The following COQ6 variants were observed in gnomAD, a reference collection of about 807,000 sequenced individuals.
COQ6 encodes the protein ubiquinone biosynthesis monooxygenase COQ6, mitochondrial.
COQ6 carries 45 observed loss-of-function variants against 55.5 expected under a neutral mutation model. The observed-to-expected ratio is 0.81, with a 90% confidence interval of 0.64 to 1.04. The LOEUF is 1.04. Ranked by LOEUF, COQ6 falls within the 50% of genes least tolerant of loss-of-function variation. The pLI is 0.00. For missense variants in COQ6, 550 were observed against 601.3 expected (o/e 0.91, Z 0.89); for synonymous variants, 206 against 230.5 (o/e 0.89, Z 0.96).
chr14:73,955,290 T>C, intron 2 of COQ6, 161 bp from the exon 3 acceptor site: 1 of 703,926 alleles, frequency 1.4e-6, no homozygotes, highest in South Asian at 1.6e-5. Flanking sequence ...AACCTGGAAC[T>C]GGGGAACAGA....
chr14:73,950,768 C>A (rs2056160142), intron 1 of COQ6, among the ~76,000 whole-genome samples: 1 of 152,318 alleles, frequency 6.6e-6, no homozygotes, highest in East Asian at 1.9e-4. Flanking sequence ...GTTCCAGTTT[C>A]TCCAGATCCT....
chr14:73,950,530 C>G (rs1566679829), intron 1 of COQ6, 35 bp downstream of exon 1: 1 of 1,574,424 alleles, frequency 6.4e-7, no homozygotes, highest in Non-Finnish European at 8.6e-7. Flanking sequence ...TGGCCGGAAA[C>G]CGGGCCGCGG....
intron 11 of COQ6, chr14:73,962,709 T>C (rs980507399): frequency 2.9e-5 from 10 of 342,434 alleles, no homozygotes; most frequent in African/African-American, 1.9e-4. Context: ...CAGCACTTTA[T>C]AGGAGGCTGG....
chr14:73,959,914 G>A, intron 8 of COQ6: 1 of 1,181,486 alleles, frequency 8.5e-7, no homozygotes, highest in Non-Finnish European at 1.1e-6. Flanking sequence ...CCAGTCAGCT[G>A]TCCCTTTCTA....
In COQ6 at chr14:73,958,147, A is replaced by T; in HGVS notation, c.482A>T (p.Asp161Val). Residue 161 changes from aspartate (D) to valine (V), a missense_variant and splice_region_variant, in exon 5 of 12, where the codon GAC becomes GTC. Physicochemically the swap from Asp to Val is radical, Grantham distance 152. Coordinates refer to ENST00000334571, the MANE Select transcript of COQ6 (RefSeq NM_182476.3). ...TTTTCCTCTCTTTTGACCTCCCCAG[A>T]CCGAGTGACGGTTCTCTACAGGAGC... The part of the protein sequence containing the change: ...ALTKQLEAVS[D>V]RVTVLYRSKA... The T allele has an allele frequency of 6.2e-7, 1 of 1,613,770 alleles. No individual in the cohort carries two copies.
chr14:73,953,607 T>G, intron 2 of COQ6, 38 bp downstream of exon 2: 1 of 1,613,598 alleles, frequency 6.2e-7, no homozygotes, highest in Non-Finnish European at 8.5e-7. Context: ...CCAATCTCCT[T>G]TCCCACTTAG....
chr14:73,956,618 G>A (rs1466369755), intron 4 of COQ6: 2 of 151,304 alleles, frequency 1.3e-5, no homozygotes, highest in South Asian at 2.1e-4. Flanking sequence ...TAATGATGCT[G>A]AGTATCTTTT....
chr14:73,952,565 G>A (rs1463795670), intron 1 of COQ6, among the ~76,000 whole-genome samples: 1 of 151,874 alleles, frequency 6.6e-6, no homozygotes. Flanking sequence ...TAGAGACAGG[G>A]TCTCGCCATG....
chr14:73,951,880 A>G (rs2140360653), intron 1 of COQ6, among the ~76,000 whole-genome samples: 1 of 146,740 alleles, frequency 6.8e-6, no homozygotes, highest in East Asian at 2.1e-4. Flanking sequence ...TGGGAGGCTG[A>G]GGCAGGAGAA....
At chr14:73,960,629 T>C (rs2056672701) in intron 8 of COQ6, 1 of 1,044,208 alleles carries the variant, frequency 9.6e-7, no homozygotes, top group Non-Finnish European at 1.2e-6. Context: ...TAGCAGGCTC[T>C]GGAGATACTG....
chr14:73,959,338 T>C (rs2056596482), intron 7 of COQ6, 77 bp from the exon 8 acceptor site: 1 of 1,614,148 alleles, frequency 6.2e-7, no homozygotes, highest in African/African-American at 1.3e-5. Context: ...GTAAGTTCCC[T>C]TTTTGTCTTT....
At position 73,950,435 on chromosome 14, in the gene COQ6, G is replaced by T; in HGVS notation, c.103G>T (p.Val35Leu). ...RRWSGASTDT[V>L]YDVVVSGGGL... is the part of the protein sequence containing the mutation. ...GTGGTCCGGCGCCTCAACAGACACC[G>T]TGTATGACGTGGTGGTGTCGGGTGG... The change falls in exon 1 of 12, where the codon GTG (valine) becomes TTG (leucine). Residue 35 changes from valine to leucine, a missense_variant. Val to Leu is a conservative substitution (Grantham distance 32, BLOSUM62 1). Coordinates refer to ENST00000334571, the MANE Select transcript of COQ6 (RefSeq NM_182476.3). 6.2e-7 allele frequency: 1 copy of T among 1,608,242 alleles called. No individual in the cohort carries two copies. The highest frequency in any genetic ancestry group is 8.5e-7 in the Non-Finnish European group (1 of 1,177,658).
At chr14:73,960,258 A>G in intron 8 of COQ6, 1 of 986,646 alleles carries the variant, frequency 1.0e-6, no homozygotes. Flanking sequence ...AGTATCACTA[A>G]CTGCTCAGGA....
intron 3 of COQ6, 31 bp downstream of exon 3, chr14:73,955,540 A>G (rs1316571476): frequency 1.9e-6 from 3 of 1,601,718 alleles, no homozygotes; most frequent in Non-Finnish European, 2.6e-6. Context: ...TTTTGTCAAG[A>G]TGTCTTGGTC....
chr14:73,953,431 T>C lies in COQ6; in HGVS notation c.164-4T>C, dbSNP rs567714443. The C allele has an allele frequency of 1.2e-6, 2 of 1,612,406 alleles. No homozygotes were observed. Among genetic ancestry groups the C allele is most frequent in the Admixed American group, 3.3e-5 (2 of 59,902 alleles). The stretch of plus-strand genomic sequence containing the variant: ...TAAGATGATATAAATTTTCTTTTTT[T>C]AAGGATATGATATTCACTTTCATGA... On this transcript the variant is annotated splice_polypyrimidine_tract_variant and splice_region_variant and intron_variant, in intron 1 of 11. Coordinates refer to ENST00000334571, the MANE Select transcript of COQ6 (RefSeq NM_182476.3).
At position 73,963,207 on chromosome 14, in the gene COQ6, A is replaced by G; in HGVS notation, c.*208A>G. 1.7e-6 allele frequency: 1 copy of G among 600,216 alleles called. No individual in the cohort carries two copies. 37.2% of individuals were successfully genotyped at this position (600,216 alleles called of 1,614,324 possible). A position where few individuals can be genotyped will look rare whatever the true frequency, so the allele number is the denominator to read the frequency against. ...CGTATATTAGCCAGACCAAAGGAAA[A>G]AACTTCGAAGGAAGACTTACAATTT... On this transcript the variant is annotated 3_prime_UTR_variant, in exon 12 of 12. Transcript: ENST00000334571.
intron 7 of COQ6, 28 bp downstream of exon 7, chr14:73,959,252 C>A: frequency 6.2e-7 from 1 of 1,614,222 alleles, no homozygotes; most frequent in Non-Finnish European, 8.5e-7. Context: ...CCAGTCCGCC[C>A]ACATGCATGC....
chr14:73,959,202 C>G lies in COQ6; in HGVS notation c.761C>G (p.Ser254Cys). The change falls in exon 7 of 12, where the codon TCT (serine) becomes TGT (cysteine). Residue 254 changes from serine (S) to cysteine (C), a missense_variant. Transcript: ENST00000334571. ...GTAGCCTGGCAGAGATTTCTTCCCT[C>G]TGGGCCTATTGCTCTGCTCCCGGTA... ...NNVAWQRFLPSGPIALLPLSD... is the reference protein window; with the variant it reads ...NNVAWQRFLPCGPIALLPLSD... 4 of 1,614,246 alleles carry G rather than the reference C, an allele frequency of 2.5e-6. No homozygotes were observed.
rs2056721032 is a variant in COQ6 at position 73,961,336 on chromosome 14, A to G, written c.1055A>G (p.His352Arg). The G allele has an allele frequency of 6.2e-7, 1 of 1,614,090 alleles. No individual in the cohort carries two copies. Among genetic ancestry groups the G allele is most frequent in the Non-Finnish European group, 8.5e-7 (1 of 1,180,044 alleles). ...SRVLFPLGLG[H>R]AAEYVRPRVA... is the part of the protein sequence containing the mutation. The stretch of plus-strand genomic sequence containing the variant: ...GTTCTGTTTCCTCTTGGGTTGGGAC[A>G]TGCTGCTGAGTACGTCAGGCCTCGG... Residue 352 changes from histidine (H) to arginine (R), a missense_variant, in exon 9 of 12, where the codon CAT becomes CGT. Physicochemically the swap from His to Arg is conservative, Grantham distance 29. Coordinates refer to ENST00000334571, the MANE Select transcript of COQ6 (RefSeq NM_182476.3).
Sources: gnomAD v4.1 joint callset for allele counts (sites outside exome capture counted in the v4.1 genomes callset) on GRCh38, gnomAD v4.1.1 for gene constraint, MANE v1.5 for transcripts, NCBI Gene and HGNC (gene_info 2026-07-23, HGNC 2026-07-21) for gene names.